Variants in CCDC66 observed in about 807,000 individuals in gnomAD.
CCDC66 encodes the protein coiled-coil domain containing 66, also known as coiled-coil domain-containing protein 66.
In CCDC66, 133 loss-of-function variants were observed where a neutral mutation model predicts 128.3. The ratio of observed to expected loss-of-function variants is 1.04; its 90% confidence interval spans 0.90 to 1.20. CCDC66 has a LOEUF of 1.20. Among genes scored for constraint, CCDC66 ranks in the 50% most tolerant of loss-of-function variants. The pLI, the probability that CCDC66 is intolerant of heterozygous loss-of-function variation, is 0.00. For synonymous variants in CCDC66, 387 were observed against 357.0 expected (o/e 1.08, Z -0.95); for missense variants, 1,126 against 1,075.5 (o/e 1.05, Z -0.66).
intron 7 of CCDC66, among the ~76,000 whole-genome samples, chr3:56,588,449 T>C (rs1374245399): frequency 6.6e-6 from 1 of 152,012 alleles, no homozygotes; most frequent in Admixed American, 6.5e-5. Flanking sequence ...CCAAAACCTA[T>C]AGAAATAAAA....
chr3:56,571,297 T>C lies in CCDC66; in HGVS notation c.931T>C (p.Ser311Pro), dbSNP rs199716046. The C allele has an allele frequency of 1.7e-5, 25 of 1,513,140 alleles. No homozygotes were observed. The Admixed American group carries it at 2.2e-4, about 13-fold the overall frequency. The allele number at this position is 1,513,140 out of a possible 1,614,324, so 93.7% of individuals were successfully genotyped here. ...IWEKHQILDQ[S>P]RETVLLEHPF... Reference sequence around the variant, plus strand: ...GGAAAAACATCAAATTCTTGACCAATCTAGGGTAAGACATCTTAATTGCAA... The same window carrying C: ...GGAAAAACATCAAATTCTTGACCAACCTAGGGTAAGACATCTTAATTGCAA... Residue 311 changes from serine to proline, a missense_variant, in exon 7 of 18, where the codon TCT becomes CCT. Physicochemically the swap from Ser to Pro is moderately conservative, Grantham distance 74 (BLOSUM62 -1). Transcript: ENST00000394672.
Position 56,621,818 on chromosome 3 carries a change from TAAAAAA to T in CCDC66, c.*214_*219del, listed in dbSNP as rs11401064. 3.7e-5 allele frequency: 5 copies of T among 134,076 alleles called. No individual in the cohort carries two copies. Among genetic ancestry groups the T allele is most frequent in the South Asian group, 2.4e-4 (1 of 4,164 alleles). The allele number at this position is 134,076 out of a possible 1,614,324, so 8.3% of individuals were successfully genotyped here. A position where few individuals can be genotyped will look rare whatever the true frequency, so the allele number is the denominator to read the frequency against. Reference sequence around the variant, plus strand: ...TACTTCTTTTGTAAAAGCTTAGTAGTAAAAAAAAAAAAAAAAAAACCGGTTCTTCTG... The same window carrying T: ...TACTTCTTTTGTAAAAGCTTAGTAGTAAAAAAAAAAAAACCGGTTCTTCTG... On this transcript the variant is annotated 3_prime_UTR_variant, in exon 18 of 18. Transcript: ENST00000394672.
chr3:56,618,212 G>C lies in CCDC66; in HGVS notation c.2378G>C (p.Arg793Thr). Residue 793 changes from arginine to threonine, a missense_variant and splice_region_variant, in exon 15 of 18, where the codon AGG becomes ACG. Physicochemically the swap from Arg to Thr is moderately conservative, Grantham distance 71. Coordinates refer to ENST00000394672, the MANE Select transcript of CCDC66 (RefSeq NM_001141947.3). The stretch of plus-strand genomic sequence containing the variant: ...AATATTCATTCATTCAGCAAGGAAA[G>C]GTAAGTATGCATCAGATTAATTCCG... ...PLNIHSFSKE[R>T]SPSSPVPVVK... The C allele has an allele frequency of 2.5e-6, 4 of 1,612,488 alleles. No homozygotes were observed. The highest frequency in any genetic ancestry group is 3.4e-6 in the Non-Finnish European group (4 of 1,178,664).
chr3:56,557,232 G>A lies in CCDC66; in HGVS notation c.-11G>A. On this transcript the variant is annotated 5_prime_UTR_variant, in exon 1 of 18. Transcript: ENST00000394672. Reference sequence around the variant, plus strand: ...CTTGAGCGTTCTGTGGAGAGAGTGCGAGGTCAGGCCATGAACTTGGGGTAA... The same window carrying A: ...CTTGAGCGTTCTGTGGAGAGAGTGCAAGGTCAGGCCATGAACTTGGGGTAA... 1 of 1,534,682 alleles carries A rather than the reference G, an allele frequency of 6.5e-7. No individual in the cohort carries two copies. Among genetic ancestry groups the A allele is most frequent in the African/African-American group, 1.4e-5 (1 of 70,986 alleles).
intron 7 of CCDC66, among the ~76,000 whole-genome samples, chr3:56,584,389 G>T (rs2069159898): frequency 6.6e-6 from 1 of 150,792 alleles, no homozygotes; most frequent in South Asian, 2.1e-4. Flanking sequence ...GCGGCTGCCG[G>T]GTGGAGGGGC....
At chr3:56,616,233 TAC>T (rs1355274869) in intron 13 of CCDC66, 180 bp downstream of exon 13, 4 of 500,648 alleles carry the variant, frequency 8.0e-6, no homozygotes, top group African/African-American at 6.1e-5. Context: ...AAATTTATCC[TAC>T]AGTTTAGTCT....
At chr3:56,585,682 T>C (rs995357254) in intron 7 of CCDC66, among the ~76,000 whole-genome samples, 5 of 151,894 alleles carry the variant, frequency 3.3e-5, no homozygotes, top group Non-Finnish European at 7.4e-5. Context: ...TTTTCTTCTC[T>C]GTATATAGTA....
At chr3:56,589,136 G>T (rs1445336259) in intron 7 of CCDC66, among the ~76,000 whole-genome samples, 1 of 152,164 alleles carries the variant, frequency 6.6e-6, no homozygotes, top group Non-Finnish European at 1.5e-5. Flanking sequence ...CAGAGAATAT[G>T]ACATTAGAAA....
At chr3:56,593,370 A>G in intron 8 of CCDC66, 121 bp from the exon 9 acceptor site, 2 of 1,115,124 alleles carry the variant, frequency 1.8e-6, no homozygotes, top group South Asian at 3.2e-5. Context: ...CAGTCTTGTT[A>G]ATTTTTATGA....
chr3:56,591,149 G>A (rs934730395), intron 7 of CCDC66, among the ~76,000 whole-genome samples: 2 of 152,198 alleles, frequency 1.3e-5, no homozygotes, highest in Admixed American at 6.5e-5. Flanking sequence ...CCCAGTCAAC[G>A]ACAGAAATGA....
At chr3:56,594,979 C>T (rs985005718) in intron 10 of CCDC66, among the ~76,000 whole-genome samples, 36 of 152,076 alleles carry the variant, frequency 2.4e-4, no homozygotes, top group Admixed American at 2.2e-3. Context: ...GCATGTAGAA[C>T]TTGACAGTAC....
At chr3:56,563,282 A>G (rs540951612) in intron 3 of CCDC66, among the ~76,000 whole-genome samples, 6 of 152,084 alleles carry the variant, frequency 3.9e-5, no homozygotes, top group Admixed American at 6.5e-5. Context: ...AATTGCTTCA[A>G]CCGGGGAGGT....
chr3:56,581,872 A>T (rs919108339), intron 7 of CCDC66, among the ~76,000 whole-genome samples: 1 of 151,766 alleles, frequency 6.6e-6, no homozygotes, highest in Non-Finnish European at 1.5e-5. Flanking sequence ...AGGGACCCAC[A>T]TGAGGAGGCA....
intron 13 of CCDC66, 25 bp downstream of exon 13, chr3:56,616,078 G>T: frequency 6.4e-7 from 1 of 1,559,790 alleles, no homozygotes; most frequent in Non-Finnish European, 8.6e-7. Flanking sequence ...ATTGTGGTTT[G>T]GTTTAAAATT....
At chr3:56,574,391 A>G (rs1209724695) in intron 7 of CCDC66, among the ~76,000 whole-genome samples, 2 of 151,102 alleles carry the variant, frequency 1.3e-5, no homozygotes, top group Non-Finnish European at 2.9e-5. Flanking sequence ...GTTTTTATGT[A>G]TTTGTATGCG....
chr3:56,597,776 G>GTTTTTTTTTTTTTTTTTTTTTTTT lies in CCDC66; in HGVS notation c.1404+3748_1404+3749insTTTTTTTTTTTTTTTTTTTTTTTT, dbSNP rs753875788. Among the ~76,000 whole-genome samples the GTTTTTTTTTTTTTTTTTTTTTTTT allele has an allele frequency of 3.0e-3, 186 of 61,586 alleles. 26 individuals carry two copies. Among genetic ancestry groups the GTTTTTTTTTTTTTTTTTTTTTTTT allele is most frequent in the Middle Eastern group, 0.011 (1 of 88 alleles). 40.4% of individuals were successfully genotyped at this position (61,586 alleles called of 152,430 possible). A position where few individuals can be genotyped will look rare whatever the true frequency, so the allele number is the denominator to read the frequency against. ...TTGTGGAGTCTAGGTTTTGTTTTGGGGTTTTTTTTTTTTTTTGAGACAGAG... is the reference window on the plus strand; with the variant it reads ...TTGTGGAGTCTAGGTTTTGTTTTGGGTTTTTTTTTTTTTTTTTTTTTTTTGTTTTTTTTTTTTTTTGAGACAGAG... On this transcript the variant is annotated intron_variant, in intron 10 of 17. Coordinates refer to ENST00000394672, the MANE Select transcript of CCDC66 (RefSeq NM_001141947.3).
In CCDC66 at chr3:56,619,333, A is replaced by C. The variant is rs562755252; in HGVS notation, c.2441A>C (p.His814Pro). The C allele has an allele frequency of 1.9e-6, 3 of 1,613,814 alleles. No individual in the cohort carries two copies. The highest frequency in any genetic ancestry group is 2.2e-5 in the South Asian group (2 of 91,066). Residue 814 changes from histidine (H) to proline (P), a missense_variant, in exon 16 of 18, where the codon CAT (histidine) becomes CCT (proline). By Grantham distance (77) the His-to-Pro change is moderately conservative (BLOSUM62 -2). Transcript: ENST00000394672. ...NRTQQTQNTL[H>P]LPLKNSSYER... ...ACCCAACAAACTCAAAATACATTAC[A>C]TTTACCACTAAAAAACAGTAGCTAT...
In CCDC66 at chr3:56,621,494, C is replaced by T. The variant is rs371499254; in HGVS notation, c.2761-38C>T. 385 of 1,279,140 alleles carry T rather than the reference C, an allele frequency of 3.0e-4. 1 individual carries two copies. Among genetic ancestry groups the T allele is most frequent in the Non-Finnish European group, 6.8e-5 (62 of 905,722 alleles). The allele number at this position is 1,279,140 out of a possible 1,614,324, so 79.2% of individuals were successfully genotyped here. ...AACACAACATTGCAAGTCAGGTGTG[C>T]ACATTTTACTAACAAACATATATCA... On this transcript the variant is annotated intron_variant, in intron 17 of 17. Transcript: ENST00000394672.
chr3:56,576,705 C>T (rs1270236138), intron 7 of CCDC66, among the ~76,000 whole-genome samples: 1 of 151,500 alleles, frequency 6.6e-6, no homozygotes, highest in Non-Finnish European at 1.5e-5. Flanking sequence ...TGGTTTCCAG[C>T]TTCATCCATG....
Sources: allele counts gnomAD v4.1 joint callset (sites outside exome capture counted in the v4.1 genomes callset), GRCh38; gene constraint gnomAD v4.1.1; transcripts MANE v1.5; gene names NCBI Gene and HGNC (gene_info 2026-07-23, HGNC 2026-07-21).